Variants in ANAPC1 observed in about 807,000 individuals in gnomAD.
ANAPC1 encodes the protein anaphase promoting complex subunit 1.
ANAPC1 carries 36 observed loss-of-function variants against 208.0 expected under a neutral mutation model. The ratio of observed to expected loss-of-function variants is 0.17; its 90% CI spans 0.13 to 0.23. The LOEUF is 0.23. Among genes scored for constraint, ANAPC1 ranks in the 10% least tolerant of loss-of-function variants. The probability of loss-of-function intolerance (pLI) is 1.00; values close to 1 mark genes in which losing one functional copy is unlikely to be tolerated. For synonymous variants in ANAPC1, 378 were observed against 695.2 expected, an observed-to-expected ratio of 0.54 and a Z score of 7.18; for missense variants, 942 against 2,011.6, an observed-to-expected ratio of 0.47 and a Z score of 10.17.
chr2:111,849,392 T>C (rs903224832), intron 14 of ANAPC1, among the ~76,000 whole-genome samples: 1 of 152,188 alleles, frequency 6.6e-6, no homozygotes, highest in Non-Finnish European at 1.5e-5. Context: ...CCCCTTTGAA[T>C]GTTCTGCAAA....
chr2:111,850,412 T>C (rs928675912), intron 14 of ANAPC1, among the ~76,000 whole-genome samples: 1 of 152,208 alleles, frequency 6.6e-6, no homozygotes, highest in Non-Finnish European at 1.5e-5. Context: ...TCCCATTGGA[T>C]GTTATCTTCC....
At chr2:111,817,686 T>C (rs1012649686) in intron 27 of ANAPC1, among the ~76,000 whole-genome samples, 2 of 149,200 alleles carry the variant, frequency 1.3e-5, no homozygotes, top group Non-Finnish European at 3.0e-5. Context: ...AGTATGCAAT[T>C]TAAAATACTG....
chr2:111,867,952 G>T, intron 7 of ANAPC1, 71 bp downstream of exon 7: 3 of 921,586 alleles, frequency 3.3e-6, no homozygotes, highest in South Asian at 2.0e-5. Context: ...TCATATAAGC[G>T]CCTTTATAAC....
chr2:111,879,191 T>A (rs1274308361), intron 2 of ANAPC1, among the ~76,000 whole-genome samples: 2 of 152,220 alleles, frequency 1.3e-5, no homozygotes, highest in Non-Finnish European at 2.9e-5. Flanking sequence ...TTTTATATTA[T>A]TCCTCTATAT....
chr2:111,837,751 C>T (rs1286442032), intron 18 of ANAPC1, among the ~76,000 whole-genome samples: 2 of 151,924 alleles, frequency 1.3e-5, no homozygotes, highest in African/African-American at 4.8e-5. Flanking sequence ...TTGTAAATTA[C>T]ACCACAATTT....
At chr2:111,827,928 G>GAGGATAA (rs1306030791) in intron 21 of ANAPC1, among the ~76,000 whole-genome samples, 2 of 152,056 alleles carry the variant, frequency 1.3e-5, no homozygotes, top group South Asian at 4.1e-4. Flanking sequence ...GGAATACGAA[G>GAGGATAA]AGGATAAAAC....
intron 6 of ANAPC1, among the ~76,000 whole-genome samples, chr2:111,871,667 G>A (rs1041434776): frequency 2.0e-5 from 3 of 151,844 alleles, no homozygotes; most frequent in Non-Finnish European, 2.9e-5. Context: ...CAGGAGAATC[G>A]CTTGAACCTG....
At chr2:111,788,996 G>A (rs953788100) in intron 38 of ANAPC1, among the ~76,000 whole-genome samples, 3 of 152,258 alleles carry the variant, frequency 2.0e-5, no homozygotes, top group Admixed American at 2.0e-4. Flanking sequence ...AAATTAGCCG[G>A]GCGCCGTGGC....
At chr2:111,870,476 T>C (rs1403048759) in intron 6 of ANAPC1, among the ~76,000 whole-genome samples, 1 of 152,236 alleles carries the variant, frequency 6.6e-6, no homozygotes, top group Non-Finnish European at 1.5e-5. Context: ...TTAGTGATAT[T>C]GAGCAGTTTC....
At chr2:111,828,647 T>C (rs183684178) in intron 21 of ANAPC1, among the ~76,000 whole-genome samples, 84 of 152,176 alleles carry the variant, frequency 5.5e-4, no homozygotes, top group African/African-American at 2.0e-3. Context: ...CATGCTACAA[T>C]ATGGATGAAC....
At chr2:111,842,192 A>C (rs1490526163) in intron 17 of ANAPC1, among the ~76,000 whole-genome samples, 2 of 152,192 alleles carry the variant, frequency 1.3e-5, no homozygotes, top group African/African-American at 4.8e-5. Flanking sequence ...TTTTAGAAAA[A>C]ATTTTTAATG....
intron 3 of ANAPC1, among the ~76,000 whole-genome samples, 167 bp from the exon 4 acceptor site, chr2:111,873,831 A>G (rs1183181779): frequency 6.6e-6 from 1 of 152,082 alleles, no homozygotes; most frequent in African/African-American, 2.4e-5. Flanking sequence ...AAATTAGAGT[A>G]ATAAATGATA....
downstream of ANAPC1, among the ~76,000 whole-genome samples, chr2:111,767,375 T>C (rs1207952002): frequency 2.7e-5 from 4 of 150,868 alleles, no homozygotes; most frequent in African/African-American, 7.4e-5. Flanking sequence ...TTCTGGATGG[T>C]GAGAGCCATA....
chr2:111,873,752 T>A, intron 3 of ANAPC1, 88 bp from the exon 4 acceptor site: 1 of 1,416,888 alleles, frequency 7.1e-7, no homozygotes, highest in Non-Finnish European at 9.4e-7. Flanking sequence ...AATAATAGCA[T>A]CTACGTAATA....
intron 20 of ANAPC1, among the ~76,000 whole-genome samples, chr2:111,832,943 A>AAAAAAAAAAAAAAAAAAAAAAAAAAAG (rs1680235448): frequency 6.7e-6 from 1 of 149,180 alleles, no homozygotes; most frequent in African/African-American, 2.4e-5. Flanking sequence ...GTCTCAAAAA[A>AAAAAAAAAAAAAAAAAAAAAAAAAAAG]AAAAAAAAAA....
At chr2:111,866,123 G>A in intron 7 of ANAPC1, 2 of 202,184 alleles carry the variant, frequency 9.9e-6, no homozygotes, top group South Asian at 1.4e-4. Context: ...AGAATGATGT[G>A]AACCTGGAAG....
At chr2:111,847,028 A>G (rs1314116659) in intron 16 of ANAPC1, 110 bp downstream of exon 16, 5 of 851,630 alleles carry the variant, frequency 5.9e-6, no homozygotes, top group Admixed American at 2.3e-5. Flanking sequence ...CTACAAAGCT[A>G]AGAACTTGAT....
chr2:111,783,858 C>CT, intron 42 of ANAPC1, 39 bp downstream of exon 42: 1 of 628,420 alleles, frequency 1.6e-6, no homozygotes, highest in Non-Finnish European at 2.9e-6. Flanking sequence ...CTTCTATTCA[C>CT]TTCCTAAAAG....
intron 44 of ANAPC1, chr2:111,779,983 G>A: frequency 4.3e-6 from 1 of 231,468 alleles, no homozygotes; most frequent in Non-Finnish European, 8.6e-6. Flanking sequence ...AAAAATAAGA[G>A]AAAGGTGGTA....
Sources: allele counts gnomAD v4.1 joint callset (sites outside exome capture counted in the v4.1 genomes callset), GRCh38; gene constraint gnomAD v4.1.1; transcripts MANE v1.5; gene names NCBI Gene and HGNC (gene_info 2026-07-23, HGNC 2026-07-21).